Variants in PKIG observed in about 807,000 individuals in gnomAD.
PKIG encodes the protein cAMP-dependent protein kinase inhibitor gamma, also known as protein kinase (cAMP-dependent, catalytic) inhibitor gamma.
A neutral mutation model predicts 6.8 loss-of-function variants in PKIG; 1 was observed. The ratio of observed to expected loss-of-function variants is 0.15; its 90% confidence interval spans 0.05 to 0.69. The LOEUF (loss-of-function observed/expected upper bound fraction) is 0.69. Among genes scored for constraint, PKIG ranks in the 30% least tolerant of loss-of-function variants. The pLI, the probability that PKIG is intolerant of heterozygous loss-of-function variation, is 0.82. For missense variants in PKIG, 77 were observed against 104.0 expected, an observed-to-expected ratio of 0.74 and a Z score of 1.13; for synonymous variants, 39 against 43.0, an observed-to-expected ratio of 0.91 and a Z score of 0.36.
At chr20:44,584,527 A>G (rs959846259) in intron 1 of PKIG, among the ~76,000 whole-genome samples, 1 of 149,470 alleles carries the variant, frequency 6.7e-6, no homozygotes, top group Non-Finnish European at 1.5e-5. Context: ...TCAGATCTTG[A>G]ATTTTGAGTT....
intron 1 of PKIG, among the ~76,000 whole-genome samples, chr20:44,570,554 A>G (rs2064845554): frequency 6.6e-6 from 1 of 152,202 alleles, no homozygotes; most frequent in South Asian, 2.1e-4. Flanking sequence ...CAGTTTACCT[A>G]TCTCTAAAAT....
intron 2 of PKIG, among the ~76,000 whole-genome samples, chr20:44,610,994 ATTTC>A (rs1354791118): frequency 6.8e-6 from 1 of 146,242 alleles, no homozygotes; most frequent in Non-Finnish European, 1.5e-5. Context: ...TCATGCATTT[ATTTC>A]TTTGTGATGA....
intron 2 of PKIG, among the ~76,000 whole-genome samples, chr20:44,609,997 CT>C (rs2065199710): frequency 6.6e-6 from 1 of 152,198 alleles, no homozygotes; most frequent in Non-Finnish European, 1.5e-5. Context: ...AGCCATTTTC[CT>C]GTCCTGAAGC....
chr20:44,583,024 T>C (rs990924755), intron 1 of PKIG, among the ~76,000 whole-genome samples: 6 of 152,370 alleles, frequency 3.9e-5, no homozygotes, highest in South Asian at 2.1e-4. Flanking sequence ...GCTCCAAATA[T>C]AGGTGAAGAA....
intron 1 of PKIG, among the ~76,000 whole-genome samples, chr20:44,574,342 T>C (rs2064877691): frequency 6.6e-6 from 1 of 150,914 alleles, no homozygotes; most frequent in Non-Finnish European, 1.5e-5. Flanking sequence ...CTTATCGAGA[T>C]ATGGTTTTTT....
intron 1 of PKIG, among the ~76,000 whole-genome samples, chr20:44,533,699 A>C (rs1479275700): frequency 6.6e-6 from 1 of 152,050 alleles, no homozygotes; most frequent in Non-Finnish European, 1.5e-5. Flanking sequence ...AAAAAGGCTG[A>C]GATTATTCAG....
chr20:44,555,715 G>A (rs1458346165), intron 1 of PKIG, among the ~76,000 whole-genome samples: 5 of 152,036 alleles, frequency 3.3e-5, no homozygotes, highest in Admixed American at 3.3e-4. Context: ...CCACATATAT[G>A]TATATTTATT....
intron 1 of PKIG, among the ~76,000 whole-genome samples, chr20:44,564,498 A>T (rs1238951997): frequency 6.6e-6 from 1 of 151,920 alleles, no homozygotes; most frequent in African/African-American, 2.4e-5. Flanking sequence ...TCATGAAAGG[A>T]CACAGCTTCA....
At chr20:44,533,208 AT>A (rs1487062096) in intron 1 of PKIG, among the ~76,000 whole-genome samples, 7 of 152,070 alleles carry the variant, frequency 4.6e-5, no homozygotes, top group Non-Finnish European at 8.8e-5. Flanking sequence ...GTATGTATTT[AT>A]TGTTGAGATG....
intron 1 of PKIG, among the ~76,000 whole-genome samples, chr20:44,550,162 A>G (rs981703688): frequency 2.0e-5 from 3 of 149,870 alleles, no homozygotes; most frequent in East Asian, 1.9e-4. Context: ...GTGTTTATAT[A>G]TATTATCTCA....
chr20:44,544,399 A>G (rs2064591662), intron 1 of PKIG, among the ~76,000 whole-genome samples: 1 of 152,160 alleles, frequency 6.6e-6, no homozygotes, highest in Admixed American at 6.5e-5. Flanking sequence ...TTTAAAGAAG[A>G]CAGGTTATTT....
intron 2 of PKIG, among the ~76,000 whole-genome samples, chr20:44,603,213 TAA>T (rs1338661523): frequency 6.6e-6 from 1 of 152,142 alleles, no homozygotes; most frequent in Non-Finnish European, 1.5e-5. Flanking sequence ...GTAGCACCGT[TAA>T]ACAGAGTAAA....
At chr20:44,591,537 T>G (rs1001562084) in intron 2 of PKIG, among the ~76,000 whole-genome samples, 1 of 135,052 alleles carries the variant, frequency 7.4e-6, no homozygotes, top group Non-Finnish European at 1.5e-5. Flanking sequence ...CCTTGGAACT[T>G]CAAGAAGGCA....
intron 2 of PKIG, among the ~76,000 whole-genome samples, chr20:44,594,214 T>G (rs886355746): frequency 1.3e-5 from 2 of 152,250 alleles, no homozygotes; most frequent in African/African-American, 4.8e-5. Context: ...TTTGCTTTTC[T>G]GATAATAGTA....
chr20:44,617,453 C>T (rs1353761158), intron 3 of PKIG, among the ~76,000 whole-genome samples: 3 of 152,136 alleles, frequency 2.0e-5, no homozygotes, highest in African/African-American at 7.2e-5. Context: ...TGGCACTCCC[C>T]TCAACCTGCA....
upstream of PKIG, among the ~76,000 whole-genome samples, chr20:44,579,591 A>G (rs1254493968): frequency 6.6e-6 from 1 of 152,236 alleles, no homozygotes; most frequent in Non-Finnish European, 1.5e-5. Flanking sequence ...TGAGGATGAC[A>G]TGAAGTGGTG....
At chr20:44,568,575 C>A (rs376039575) in intron 1 of PKIG, among the ~76,000 whole-genome samples, 1 of 151,972 alleles carries the variant, frequency 6.6e-6, no homozygotes, top group Non-Finnish European at 1.5e-5. Flanking sequence ...CTCAGCCTCA[C>A]GAGTAGCTGA....
intron 2 of PKIG, among the ~76,000 whole-genome samples, chr20:44,590,258 A>G (rs991196122): frequency 1.3e-5 from 2 of 152,200 alleles, no homozygotes; most frequent in Non-Finnish European, 2.9e-5. Context: ...CTGTTTTCAC[A>G]AAGACCAGGG....
chr20:44,618,243 G>C (rs1464215399), intron 3 of PKIG, 42 bp from the exon 4 acceptor site: 14 of 1,270,672 alleles, frequency 1.1e-5, no homozygotes, highest in Non-Finnish European at 1.5e-5. Context: ...GCATTACTTT[G>C]TGTATATGTG....
Sources: gnomAD v4.1 joint callset for allele counts (sites outside exome capture counted in the v4.1 genomes callset) on GRCh38, gnomAD v4.1.1 for gene constraint, MANE v1.5 for transcripts, NCBI Gene and HGNC (gene_info 2026-07-23, HGNC 2026-07-21) for gene names.